NCK2: variants seen among roughly 807,000 people sequenced by gnomAD.
The protein encoded by NCK2 is cytoplasmic protein NCK2.
In NCK2, 16 loss-of-function variants were observed where a neutral mutation model predicts 33.9. The ratio of observed to expected loss-of-function variants is 0.47; its 90% confidence interval spans 0.32 to 0.72. The LOEUF (loss-of-function observed/expected upper bound fraction) is 0.72. NCK2 is among the 30% of genes least tolerant of loss of function. The pLI, the probability that NCK2 is intolerant of heterozygous loss-of-function variation, is 0.03. For missense variants in NCK2, 418 were observed against 537.3 expected, an observed-to-expected ratio of 0.78 and a Z score of 2.19; for synonymous variants, 273 against 239.9, an observed-to-expected ratio of 1.14 and a Z score of -1.27.
chr2:105,794,681 T>G (rs549807473), intron 1 of NCK2, among the ~76,000 whole-genome samples: 3 of 144,830 alleles, frequency 2.1e-5, no homozygotes, highest in Non-Finnish European at 4.5e-5. Flanking sequence ...TTTAAAAAAG[T>G]TAATAGTTTA....
intron 1 of NCK2, among the ~76,000 whole-genome samples, chr2:105,777,486 T>G (rs1217979865): frequency 6.6e-6 from 1 of 152,182 alleles, no homozygotes; most frequent in Non-Finnish European, 1.5e-5. Context: ...TGGTAGGTGC[T>G]GTGCATTTTC....
intron 2 of NCK2, among the ~76,000 whole-genome samples, chr2:105,845,779 C>T (rs557290655): frequency 1.3e-5 from 2 of 152,186 alleles, no homozygotes; most frequent in African/African-American, 4.8e-5. Flanking sequence ...CCTGATAAAC[C>T]GCTAAAAATG....
intron 1 of NCK2, among the ~76,000 whole-genome samples, chr2:105,751,959 T>G (rs897542767): frequency 2.0e-5 from 3 of 152,266 alleles, no homozygotes; most frequent in Non-Finnish European, 4.4e-5. Context: ...TTATTAATTT[T>G]CATCCTATAT....
At chr2:105,864,369 T>C (rs1237168952) in intron 3 of NCK2, among the ~76,000 whole-genome samples, 1 of 152,056 alleles carries the variant, frequency 6.6e-6, no homozygotes, top group Non-Finnish European at 1.5e-5. Flanking sequence ...GGAAAACCCC[T>C]AGGACTCTGT....
chr2:105,832,844 C>G (rs1045141400), intron 2 of NCK2, among the ~76,000 whole-genome samples: 3 of 123,870 alleles, frequency 2.4e-5, no homozygotes, highest in Non-Finnish European at 4.8e-5. Flanking sequence ...GAATTCTCTT[C>G]TCTTTTTTTT....
intron 1 of NCK2, among the ~76,000 whole-genome samples, chr2:105,751,748 G>A (rs1689462523): frequency 6.6e-6 from 1 of 152,198 alleles, no homozygotes; most frequent in African/African-American, 2.4e-5. Context: ...TCTCTGTCAT[G>A]GGAGGAGAAG....
At chr2:105,755,116 G>A (rs1325604575) in intron 1 of NCK2, among the ~76,000 whole-genome samples, 1 of 152,042 alleles carries the variant, frequency 6.6e-6, no homozygotes, top group South Asian at 2.1e-4. Flanking sequence ...TGTCTTCTTA[G>A]GAGCTTCCTA....
chr2:105,790,623 C>T (rs1425061537), intron 1 of NCK2, among the ~76,000 whole-genome samples: 1 of 152,218 alleles, frequency 6.6e-6, no homozygotes, highest in Admixed American at 6.5e-5. Flanking sequence ...TTACTGCATC[C>T]CCCGCACCTG....
chr2:105,745,029 G>T lies in NCK2; in HGVS notation c.-310G>T, dbSNP rs1424740375. On this transcript the variant is annotated 5_prime_UTR_variant, in exon 1 of 5. Coordinates refer to ENST00000233154, the MANE Select transcript of NCK2 (RefSeq NM_003581.5). ...GGGCCGGCAGCGTCCGCCCGGCGGC[G>T]GGAGGAGGGAGCGGCGCAGACAAAG... is the stretch of plus-strand genomic sequence containing the variant. 1 of 146,186 alleles carries T rather than the reference G, an allele frequency of 6.8e-6. No individual in the cohort carries two copies. The highest frequency in any genetic ancestry group is 1.5e-5 in the Non-Finnish European group (1 of 65,748). 9.1% of individuals were successfully genotyped at this position (146,186 alleles called of 1,614,324 possible).
chr2:105,845,295 G>A (rs1291527628), intron 2 of NCK2, among the ~76,000 whole-genome samples: 2 of 152,178 alleles, frequency 1.3e-5, no homozygotes, highest in East Asian at 1.9e-4. Flanking sequence ...ATCAGGCAGG[G>A]AATCGTGAGT....
chr2:105,864,897 T>A (rs547212825), intron 3 of NCK2, among the ~76,000 whole-genome samples: 10 of 150,370 alleles, frequency 6.7e-5, no homozygotes, highest in Admixed American at 5.3e-4. Context: ...ATGGATGACT[T>A]TAGATGCAGT....
chr2:105,772,084 C>T (rs1042039204), intron 1 of NCK2, among the ~76,000 whole-genome samples: 8 of 152,240 alleles, frequency 5.3e-5, no homozygotes, highest in African/African-American at 1.7e-4. Flanking sequence ...CTGGCTCAGC[C>T]GAGGGCAGTG....
chr2:105,807,596 CTTGGAG>C (rs1337789175), intron 1 of NCK2, among the ~76,000 whole-genome samples: 1 of 152,076 alleles, frequency 6.6e-6, no homozygotes, highest in African/African-American at 2.4e-5. Context: ...ACACCAGCCT[CTTGGAG>C]TTGGAGTCAC....
At chr2:105,810,068 A>G (rs535122506) in intron 1 of NCK2, among the ~76,000 whole-genome samples, 3 of 152,302 alleles carry the variant, frequency 2.0e-5, no homozygotes, top group East Asian at 1.9e-4. Flanking sequence ...AAGAGCACAC[A>G]CATCCCCACT....
At position 105,882,069 on chromosome 2, in the gene NCK2, A is replaced by C; in HGVS notation, c.948+20A>C. 1 of 1,483,366 alleles carries C rather than the reference A, an allele frequency of 6.7e-7. No homozygotes were observed. The highest frequency in any genetic ancestry group is 9.0e-7 in the Non-Finnish European group (1 of 1,116,864). The allele number at this position is 1,483,366 out of a possible 1,614,324, so 91.9% of individuals were successfully genotyped here. ...TCCTCGGTAAGTGCGCTGCGCCCAC[A>C]GCTCCGGCTGCAGGCAGTAAATGCG... On this transcript the variant is annotated intron_variant, in intron 4 of 4. Coordinates refer to ENST00000233154, the MANE Select transcript of NCK2 (RefSeq NM_003581.5).
chr2:105,761,390 G>C (rs1156575018), intron 1 of NCK2, among the ~76,000 whole-genome samples: 1 of 152,114 alleles, frequency 6.6e-6, no homozygotes, highest in Non-Finnish European at 1.5e-5. Context: ...CCATTAGCCT[G>C]TTTCTCTTTC....
At chr2:105,811,196 C>A (rs907543768) in intron 1 of NCK2, among the ~76,000 whole-genome samples, 2 of 149,778 alleles carry the variant, frequency 1.3e-5, no homozygotes, top group Non-Finnish European at 3.0e-5. Context: ...TGGCTTTCTT[C>A]TATTATTTTA....
chr2:105,873,446 T>G (rs1028173394), intron 3 of NCK2, among the ~76,000 whole-genome samples: 2 of 152,184 alleles, frequency 1.3e-5, no homozygotes, highest in Non-Finnish European at 2.9e-5. Flanking sequence ...GCCCAGATTC[T>G]CCAGGCTTAG....
intron 3 of NCK2, among the ~76,000 whole-genome samples, chr2:105,872,072 C>A (rs545611738): frequency 1.3e-5 from 2 of 152,160 alleles, no homozygotes; most frequent in Non-Finnish European, 2.9e-5. Flanking sequence ...CTTAAACGTA[C>A]GCAGTTCTTA....
Sources: allele counts gnomAD v4.1 joint callset (sites outside exome capture counted in the v4.1 genomes callset), GRCh38; gene constraint gnomAD v4.1.1; transcripts MANE v1.5; gene names NCBI Gene and HGNC (gene_info 2026-07-23, HGNC 2026-07-21).